TTI1: variants seen among roughly 807,000 people sequenced by gnomAD.
The protein encoded by TTI1 is TELO2 interacting protein 1, also known as TELO2-interacting protein 1 homolog.
In TTI1, 52 loss-of-function variants were observed where a neutral mutation model predicts 85.4. The observed-to-expected ratio is 0.61, with a 90% confidence interval of 0.49 to 0.77. The LOEUF is 0.77. TTI1 is among the 30% of genes least tolerant of loss of function. TTI1 has a pLI of 0.00. For synonymous variants in TTI1, 512 were observed against 503.9 expected, an observed-to-expected ratio of 1.02 and a Z score of -0.22; for missense variants, 1,173 against 1,296.0, an observed-to-expected ratio of 0.91 and a Z score of 1.46.
intron 1 of TTI1, 130 bp from the exon 2 acceptor site, chr20:38,013,987 C>T: frequency 8.0e-6 from 7 of 869,958 alleles, no homozygotes; most frequent in Non-Finnish European, 1.2e-5. Context: ...ACTAGGGGTG[C>T]AATGAAACTG....
In TTI1 at chr20:38,013,523, T is replaced by C; in HGVS notation, c.294A>G (p.Ser98=). The C allele has an allele frequency of 1.2e-6, 2 of 1,614,166 alleles. No individual in the cohort carries two copies. Among genetic ancestry groups the C allele is most frequent in the Non-Finnish European group, 1.7e-6 (2 of 1,180,040 alleles). The change falls in exon 2 of 8, where the codon TCA becomes TCG. Residue 98 remains serine (S), a synonymous_variant. Transcript: ENST00000373447. The stretch of plus-strand genomic sequence containing the variant: ...GTGAATACAGACAAGCAGAGAGTTC[T>C]GAAAAGAGTTCCTGGAGAAGCTCCT... ...KEQELLQELF[S]ELSACLYSPS...
intron 1 of TTI1, among the ~76,000 whole-genome samples, chr20:38,025,439 CGT>C (rs1367289996): frequency 6.6e-6 from 1 of 151,876 alleles, no homozygotes; most frequent in African/African-American, 2.4e-5. Context: ...TATGGTGGCG[CGT>C]GCCTGTAATC....
chr20:38,013,509 C>T lies in TTI1; in HGVS notation c.308G>A (p.Cys103Tyr). 1 of 1,614,110 alleles carries T rather than the reference C, an allele frequency of 6.2e-7. No homozygotes were observed. The highest frequency in any genetic ancestry group is 8.5e-7 in the Non-Finnish European group (1 of 1,180,044). ...TTTTTGGGAGCTGGGTGAATACAGA[C>T]AAGCAGAGAGTTCTGAAAAGAGTTC... Reference protein sequence around the residue: ...LQELFSELSACLYSPSSQKPA... With the variant: ...LQELFSELSAYLYSPSSQKPA... Residue 103 changes from cysteine (C) to tyrosine (Y), a missense_variant, in exon 2 of 8, where the codon TGT (cysteine) becomes TAT (tyrosine). Cys to Tyr is a radical substitution (Grantham distance 194). Transcript: ENST00000373447.
chr20:38,017,130 G>A (rs2073694076), intron 1 of TTI1, among the ~76,000 whole-genome samples: 1 of 152,082 alleles, frequency 6.6e-6, no homozygotes, highest in South Asian at 2.1e-4. Flanking sequence ...GTTTTACCTA[G>A]TTTAGACTAG....
intron 1 of TTI1, among the ~76,000 whole-genome samples, chr20:38,031,608 C>G (rs1694949966): frequency 6.6e-6 from 1 of 152,168 alleles, no homozygotes; most frequent in Non-Finnish European, 1.5e-5. Context: ...GTTTTTCTAT[C>G]TTTCTCAGTA....
chr20:37,992,909 A>ATCAGCAAAGTTTGCCACTG (rs2073284900), intron 7 of TTI1, among the ~76,000 whole-genome samples: 1 of 152,196 alleles, frequency 6.6e-6, no homozygotes. Flanking sequence ...GAGAATTTCA[A>ATCAGCAAAGTTTGCCACTG]TCAGCAAAGT....
chr20:38,031,032 C>T (rs1002452249), intron 1 of TTI1, among the ~76,000 whole-genome samples: 3 of 152,202 alleles, frequency 2.0e-5, no homozygotes, highest in Non-Finnish European at 4.4e-5. Flanking sequence ...GATCCTGTTA[C>T]CTCTTCCTCT....
intron 1 of TTI1, among the ~76,000 whole-genome samples, chr20:38,017,765 A>G (rs1272365536): frequency 2.6e-5 from 4 of 152,196 alleles, no homozygotes; most frequent in Admixed American, 2.6e-4. Flanking sequence ...GATGTGAAGT[A>G]GTGGTAGGCT....
In TTI1 at chr20:38,012,247, T is replaced by G. The variant is rs1470164592; in HGVS notation, c.1570A>C (p.Met524Leu). 6.2e-7 allele frequency: 1 copy of G among 1,614,118 alleles called. No individual in the cohort carries two copies. The highest frequency in any genetic ancestry group is 1.1e-5 in the South Asian group (1 of 91,090). The part of the protein sequence containing the change: ...QSVVYRKQAA[M>L]ILNELVTGAA... ...CCTGTAACCAGTTCATTAAGGATCATGGCAGCTTGCTTCCGGTAAACCACA... is the reference window on the plus strand; with the variant it reads ...CCTGTAACCAGTTCATTAAGGATCAGGGCAGCTTGCTTCCGGTAAACCACA... Residue 524 changes from methionine to leucine, a missense_variant, in exon 2 of 8, where the codon ATG (methionine) becomes CTG (leucine). Physicochemically the swap from Met to Leu is conservative, Grantham distance 15. Coordinates refer to ENST00000373447, the MANE Select transcript of TTI1 (RefSeq NM_001303457.2).
intron 2 of TTI1, among the ~76,000 whole-genome samples, chr20:38,007,379 G>A (rs934068966): frequency 3.3e-5 from 5 of 152,194 alleles, no homozygotes; most frequent in Admixed American, 6.5e-5. Flanking sequence ...ACTGGGTCCC[G>A]TGGTTTTCAA....
chr20:38,013,210 C>T lies in TTI1; in HGVS notation c.607G>A (p.Gly203Arg), dbSNP rs1016663069. 1.2e-6 allele frequency: 2 copies of T among 1,613,970 alleles called. No individual in the cohort carries two copies. The highest frequency in any genetic ancestry group is 1.3e-5 in the African/African-American group (1 of 74,918). The change falls in exon 2 of 8, where the codon GGG becomes AGG. Residue 203 changes from glycine to arginine, a missense_variant. Gly to Arg is a moderately radical substitution (Grantham distance 125). Transcript: ENST00000373447. ...SLDELEQKQL[G>R]DLFASFLPGI... ...GGTAAAAAAGAGGCAAACAAATCCC[C>T]CAGCTGCTTTTGTTCAAGTTCATCC...
chr20:37,992,473 C>T (rs979755769), intron 7 of TTI1, among the ~76,000 whole-genome samples: 2 of 152,118 alleles, frequency 1.3e-5, no homozygotes, highest in African/African-American at 2.4e-5. Flanking sequence ...GACAGGGTTT[C>T]GCTATGTTGC....
At position 37,996,336 on chromosome 20, in the gene TTI1, A is replaced by G. The variant is rs767241856; in HGVS notation, c.3086+39T>C. The stretch of plus-strand genomic sequence containing the variant: ...CATTAGCAAATCATCTGTAATTTAG[A>G]ACAAACGTAAAGGGATGCGGGTGAT... On this transcript the variant is annotated intron_variant, in intron 7 of 7. Transcript: ENST00000373447. 23 of 1,607,570 alleles carry G rather than the reference A, an allele frequency of 1.4e-5. No individual in the cohort carries two copies. In the Admixed American group the frequency reaches 2.2e-4, roughly 15 times the overall value.
intron 7 of TTI1, among the ~76,000 whole-genome samples, chr20:37,987,731 A>C (rs1301684830): frequency 2.6e-5 from 4 of 152,254 alleles, no homozygotes; most frequent in African/African-American, 9.6e-5. Context: ...TTTCCATGGC[A>C]AAGAAGCCTG....
chr20:37,994,580 T>C (rs941295339), intron 7 of TTI1, among the ~76,000 whole-genome samples: 2 of 151,088 alleles, frequency 1.3e-5, no homozygotes, highest in Non-Finnish European at 2.9e-5. Context: ...AGCATCAAGA[T>C]GCCAAATCAG....
At position 38,011,619 on chromosome 20, in the gene TTI1, A is replaced by G. The variant is rs2073590275; in HGVS notation, c.2198T>C (p.Leu733Ser). 7 of 1,614,132 alleles carry G rather than the reference A, an allele frequency of 4.3e-6. No homozygotes were observed. The highest frequency in any genetic ancestry group is 5.9e-6 in the Non-Finnish European group (7 of 1,180,046). ...GACATCTTGAACCACATCTGCCACC[A>G]AAGGAAGCAGGTTAGCATCTGAGTT... ...LRNSDANLLP[L>S]VADVVQDVLA... The change falls in exon 2 of 8, where the codon TTG becomes TCG. Residue 733 changes from leucine (L) to serine (S), a missense_variant. Leu to Ser is a moderately radical substitution (Grantham distance 145). Coordinates refer to ENST00000373447, the MANE Select transcript of TTI1 (RefSeq NM_001303457.2).
chr20:38,028,687 A>G (rs1303305382), intron 1 of TTI1, among the ~76,000 whole-genome samples: 2 of 152,144 alleles, frequency 1.3e-5, no homozygotes, highest in Non-Finnish European at 2.9e-5. Context: ...ATCCTACAAT[A>G]GCAGACTACA....
chr20:38,024,897 C>T (rs577975191), intron 1 of TTI1, among the ~76,000 whole-genome samples: 248 of 152,248 alleles, frequency 1.6e-3, no homozygotes, highest in Non-Finnish European at 2.8e-3. Flanking sequence ...GACACCTAGT[C>T]AGGACTTTCA....
intron 3 of TTI1, 166 bp downstream of exon 3, chr20:38,006,031 A>G: frequency 8.4e-6 from 7 of 831,282 alleles, no homozygotes; most frequent in Non-Finnish European, 1.3e-5. Context: ...TTTGTAACAG[A>G]AAAGAATGGA....
Sources: gnomAD v4.1 joint callset for allele counts (sites outside exome capture counted in the v4.1 genomes callset) on GRCh38, gnomAD v4.1.1 for gene constraint, MANE v1.5 for transcripts, NCBI Gene and HGNC (gene_info 2026-07-23, HGNC 2026-07-21) for gene names.